MGAT5: variants seen among roughly 807,000 people sequenced by gnomAD.
MGAT5 encodes alpha-1,6-mannosylglycoprotein 6-beta-N-acetylglucosaminyltransferase A.
Under a neutral mutation model 94.3 loss-of-function variants are expected in MGAT5, and 30 were observed. The ratio of observed to expected loss-of-function variants is 0.32; its 90% confidence interval spans 0.24 to 0.43. The LOEUF (loss-of-function observed/expected upper bound fraction) is 0.43, where lower values mean the gene tolerates loss of function less well. Among genes scored for constraint, MGAT5 ranks in the 20% least tolerant of loss-of-function variants. The pLI, the probability that MGAT5 is intolerant of heterozygous loss-of-function variation, is 1.00. For missense variants in MGAT5, 691 were observed against 905.5 expected (o/e 0.76, Z 3.04); for synonymous variants, 310 against 322.9 (o/e 0.96, Z 0.43).
At chr2:134,132,360 A>G (rs1305676451) in intron 1 of MGAT5, among the ~76,000 whole-genome samples, 2 of 152,234 alleles carry the variant, frequency 1.3e-5, no homozygotes, top group Non-Finnish European at 2.9e-5. Context: ...ACCCTGGAGT[A>G]AGAAATACAT....
intron 2 of MGAT5, among the ~76,000 whole-genome samples, chr2:134,286,438 CT>C (rs201438209): frequency 3.5e-4 from 51 of 146,814 alleles, no homozygotes; most frequent in African/African-American, 5.7e-4. Context: ...ATTTCTTTTT[CT>C]TTTTTTTTTT....
intron 10 of MGAT5, among the ~76,000 whole-genome samples, chr2:134,394,773 A>T (rs1217540598): frequency 6.6e-6 from 1 of 151,948 alleles, no homozygotes; most frequent in Admixed American, 6.6e-5. Flanking sequence ...TTCCCTGACA[A>T]CTCTCACAGG....
intron 15 of MGAT5, 149 bp from the exon 16 acceptor site, chr2:134,448,500 C>A: frequency 1.3e-6 from 1 of 758,016 alleles, no homozygotes; most frequent in South Asian, 1.6e-5. Context: ...GGATTGCAGA[C>A]GAAGAGGGTG....
At chr2:134,395,137 C>T (rs1436266105) in intron 10 of MGAT5, among the ~76,000 whole-genome samples, 1 of 152,142 alleles carries the variant, frequency 6.6e-6, no homozygotes, top group Admixed American at 6.5e-5. Flanking sequence ...TAGGACCATG[C>T]CAATCAGAGT....
intron 1 of MGAT5, among the ~76,000 whole-genome samples, chr2:134,130,404 C>T (rs1015092964): frequency 6.6e-5 from 10 of 152,238 alleles, no homozygotes; most frequent in African/African-American, 2.2e-4. Flanking sequence ...AGGCGCGGGG[C>T]GTGGGATTGG....
chr2:134,391,991 C>T (rs1682446011), intron 10 of MGAT5, among the ~76,000 whole-genome samples: 1 of 152,142 alleles, frequency 6.6e-6, no homozygotes, highest in South Asian at 2.1e-4. Flanking sequence ...GGTCCTTCTC[C>T]CTTTTTCTTA....
At chr2:134,247,909 G>GT (rs1682375324) in intron 1 of MGAT5, among the ~76,000 whole-genome samples, 1 of 152,170 alleles carries the variant, frequency 6.6e-6, no homozygotes, top group Non-Finnish European at 1.5e-5. Context: ...CAGCATAACA[G>GT]TGACAATACA....
intron 2 of MGAT5, among the ~76,000 whole-genome samples, chr2:134,312,613 C>T (rs952446874): frequency 3.9e-5 from 6 of 152,088 alleles, no homozygotes; most frequent in South Asian, 4.2e-4. Flanking sequence ...CTGGGAGTAC[C>T]GACGGGTAGA....
chr2:134,395,341 C>G (rs1352196131), intron 10 of MGAT5, among the ~76,000 whole-genome samples: 3 of 152,170 alleles, frequency 2.0e-5, no homozygotes, highest in African/African-American at 7.2e-5. Context: ...GCAGAAAGCT[C>G]TGTGCTAAGG....
chr2:134,309,494 A>G (rs900980435), intron 2 of MGAT5, among the ~76,000 whole-genome samples: 16 of 152,182 alleles, frequency 1.1e-4, no homozygotes, highest in African/African-American at 3.9e-4. Flanking sequence ...AATTTTTATT[A>G]TAACTATTTT....
chr2:134,430,155 C>G (rs62170039), intron 14 of MGAT5, among the ~76,000 whole-genome samples: 4,100 of 152,322 alleles, frequency 0.027, 80 homozygotes, highest in Middle Eastern at 0.044. Flanking sequence ...GCCGCCATCT[C>G]GGCAGCTCTC....
intron 10 of MGAT5, among the ~76,000 whole-genome samples, chr2:134,377,936 C>T (rs75381148): frequency 0.021 from 3,221 of 152,250 alleles, 116 homozygotes; most frequent in African/African-American, 0.068. Flanking sequence ...ACAGAGTCCA[C>T]GTGGCATATG....
At chr2:134,362,448 CT>C in intron 10 of MGAT5, 40 bp downstream of exon 10, 1 of 1,598,880 alleles carries the variant, frequency 6.3e-7, no homozygotes, top group Non-Finnish European at 8.5e-7. Context: ...TGAAAAGAAG[CT>C]TGTTGGGTAA....
chr2:134,387,319 TATATATATATATA>T lies in MGAT5; in HGVS notation c.1381-15668_1381-15656del, dbSNP rs1181215163. Among the ~76,000 whole-genome samples the T allele has an allele frequency of 7.7e-4, 39 of 50,354 alleles. 1 individual carries two copies. Among genetic ancestry groups the T allele is most frequent in the Non-Finnish European group, 7.1e-4 (18 of 25,390 alleles). 33.0% of individuals were successfully genotyped at this position (50,354 alleles called of 152,430 possible). ...TATGTATGATATATATATATATATATATATATATATATATTTTTTTTTTTTTTTTTTTTTACCA... is the reference window on the plus strand; with the variant it reads ...TATGTATGATATATATATATATATATTTTTTTTTTTTTTTTTTTTTTACCA... On this transcript the variant is annotated intron_variant, in intron 10 of 15. Transcript: ENST00000281923.
chr2:134,247,077 T>G (rs567203593), intron 1 of MGAT5, among the ~76,000 whole-genome samples: 1 of 152,328 alleles, frequency 6.6e-6, no homozygotes, highest in South Asian at 2.1e-4. Context: ...CAGTCCATAT[T>G]CATCCAATTA....
At chr2:134,249,751 G>A (rs1220785910), upstream of MGAT5, among the ~76,000 whole-genome samples, 2 of 152,220 alleles carry the variant, frequency 1.3e-5, no homozygotes, top group African/African-American at 4.8e-5. Flanking sequence ...GTGTAGACAC[G>A]TATTTTCATT....
intron 9 of MGAT5, among the ~76,000 whole-genome samples, chr2:134,350,391 A>T (rs191087405): frequency 6.6e-6 from 1 of 152,320 alleles, no homozygotes; most frequent in Non-Finnish European, 1.5e-5. Flanking sequence ...TAGCTTTTAA[A>T]AATGGAGCTG....
At chr2:134,313,817 C>T (rs192585973) in intron 2 of MGAT5, among the ~76,000 whole-genome samples, 250 of 152,114 alleles carry the variant, frequency 1.6e-3, no homozygotes, top group African/African-American at 5.1e-3. Context: ...CCGTGGATAC[C>T]GTCACCCAGG....
intron 1 of MGAT5, among the ~76,000 whole-genome samples, chr2:134,124,148 C>G (rs1240199384): frequency 1.3e-5 from 2 of 152,198 alleles, no homozygotes. Flanking sequence ...AATTATCTCA[C>G]TTTTAATTTA....
Sources: gnomAD v4.1 joint callset for allele counts (sites outside exome capture counted in the v4.1 genomes callset) on GRCh38, gnomAD v4.1.1 for gene constraint, MANE v1.5 for transcripts, NCBI Gene and HGNC (gene_info 2026-07-23, HGNC 2026-07-21) for gene names.